The following GCNT1 variants were observed in gnomAD, a reference collection of about 807,000 sequenced individuals.
The protein encoded by GCNT1 is glucosaminyl (N-acetyl) transferase 1, also known as beta-1,3-galactosyl-O-glycosyl-glycoprotein beta-1,6-N-acetylglucosaminyltransferase.
GCNT1 carries 16 observed loss-of-function variants against 26.2 expected under a neutral mutation model. The ratio of observed to expected loss-of-function variants is 0.61; its 90% CI spans 0.41 to 0.93. The LOEUF (loss-of-function observed/expected upper bound fraction) is 0.93, where lower values mean the gene tolerates loss of function less well. GCNT1 is among the 40% of genes least tolerant of loss of function. GCNT1 has a pLI of 0.00. For missense variants in GCNT1, 477 were observed against 526.7 expected (o/e 0.91, Z 0.92); for synonymous variants, 183 against 190.8 (o/e 0.96, Z 0.34).
At chr9:76,444,467 A>C (rs1823542661) in intron 1 of GCNT1, among the ~76,000 whole-genome samples, 1 of 152,186 alleles carries the variant, frequency 6.6e-6, no homozygotes, top group African/African-American at 2.4e-5. Context: ...CAAAACCATG[A>C]GGATTAAGAG....
In GCNT1 at chr9:76,506,787, T is replaced by G. The variant is rs186077091; in HGVS notation, c.*3119T>G. On this transcript the variant is annotated 3_prime_UTR_variant, in exon 4 of 4. Transcript: ENST00000376730. The stretch of plus-strand genomic sequence containing the variant: ...TGTCATTTATTAAGTACAGTTCACT[T>G]AAATAACATAAGTAGATTTTCTCTT... 3.6e-5 allele frequency: 6 copies of G among 167,184 alleles called. No homozygotes were observed. Among genetic ancestry groups the G allele is most frequent in the African/African-American group, 1.4e-4 (6 of 41,576 alleles). The allele number at this position is 167,184 out of a possible 1,614,324, so 10.4% of individuals were successfully genotyped here. A position where few individuals can be genotyped will look rare whatever the true frequency, so the allele number is the denominator to read the frequency against.
intron 2 of GCNT1, among the ~76,000 whole-genome samples, chr9:76,484,014 T>TA (rs1201577178): frequency 1.3e-5 from 2 of 152,138 alleles, no homozygotes; most frequent in Admixed American, 1.3e-4. Context: ...GTTTATACTT[T>TA]AAAAAAATCA....
At chr9:76,467,790 G>GGAA (rs1824035527) in intron 2 of GCNT1, among the ~76,000 whole-genome samples, 2 of 151,768 alleles carry the variant, frequency 1.3e-5, no homozygotes, top group South Asian at 4.2e-4. Flanking sequence ...ATCCAAAGCA[G>GGAA]GAAGCGAAGG....
chr9:76,485,077 G>A (rs766977486), intron 2 of GCNT1, among the ~76,000 whole-genome samples: 15 of 151,872 alleles, frequency 9.9e-5, no homozygotes, highest in Admixed American at 2.6e-4. Context: ...GTGAGCCGCC[G>A]CGCCCGACCA....
chr9:76,393,954 G>C, the GCNT1 span: 2 of 750,674 alleles, frequency 2.7e-6, no homozygotes, highest in Non-Finnish European at 4.2e-6. Context: ...ACAGACAAGG[G>C]GATGCGGGAG....
the GCNT1 span, among the ~76,000 whole-genome samples, chr9:76,413,861 A>T: frequency 1.3e-5 from 2 of 151,160 alleles, no homozygotes; most frequent in Admixed American, 1.3e-4. Flanking sequence ...TACTTGTCTC[A>T]CAGTTCTTGG....
In GCNT1 at chr9:76,505,531, C is replaced by T. The variant is rs991974739; in HGVS notation, c.*1863C>T. 6.0e-6 allele frequency: 1 copy of T among 166,590 alleles called. No individual in the cohort carries two copies. Among genetic ancestry groups the T allele is most frequent in the Non-Finnish European group, 1.5e-5 (1 of 68,126 alleles). The allele number at this position is 166,590 out of a possible 1,614,324, so 10.3% of individuals were successfully genotyped here. Reference sequence around the variant, plus strand: ...AAGTTTTTACCTATAAGACAGGGCACCTTTTAACTCTAAAACTAGTGATAC... The same window carrying T: ...AAGTTTTTACCTATAAGACAGGGCATCTTTTAACTCTAAAACTAGTGATAC... On this transcript the variant is annotated 3_prime_UTR_variant, in exon 4 of 4. Coordinates refer to ENST00000376730, the MANE Select transcript of GCNT1 (RefSeq NM_001490.5).
chr9:76,461,556 C>T (rs921216294), intron 2 of GCNT1, among the ~76,000 whole-genome samples: 3 of 150,210 alleles, frequency 2.0e-5, no homozygotes, highest in Non-Finnish European at 3.0e-5. Context: ...GCACTCCAGC[C>T]TGGGTGACAG....
intron 2 of GCNT1, among the ~76,000 whole-genome samples, chr9:76,478,631 G>A (rs1296266294): frequency 6.6e-6 from 1 of 152,168 alleles, no homozygotes; most frequent in Non-Finnish European, 1.5e-5. Context: ...AATGCCTTCA[G>A]GATTCATTCA....
At chr9:76,398,671 C>T in the GCNT1 span, 259 of 1,069,072 alleles carry the variant, frequency 2.4e-4, no homozygotes, top group South Asian at 6.0e-4. Context: ...TCTGGATTCC[C>T]GTCGTAACTT....
In GCNT1 at chr9:76,503,110, A is replaced by G. The variant is rs1202118165; in HGVS notation, c.729A>G (p.Glu243=). ...TGTTAATGGGAGAAAACAACCTGGA[A>G]ACGGAGAGGATGCCATCCCATAAAG... ...LKLLMGENNL[E]TERMPSHKEE... Residue 243 remains glutamate, a synonymous_variant, in exon 4 of 4, where the codon GAA becomes GAG. Coordinates refer to ENST00000376730, the MANE Select transcript of GCNT1 (RefSeq NM_001490.5). 1.2e-6 allele frequency: 2 copies of G among 1,614,148 alleles called. No homozygotes were observed. The highest frequency in any genetic ancestry group is 3.3e-5 in the Admixed American group (2 of 60,014).
chr9:76,505,806 T>A lies in GCNT1; in HGVS notation c.*2138T>A, dbSNP rs564648724. On this transcript the variant is annotated 3_prime_UTR_variant, in exon 4 of 4. Transcript: ENST00000376730. ...TTTATTATGTGTGACTGCATCTGATTTATATTTAAATTGGCAGGTTTTGAG... is the reference window on the plus strand; with the variant it reads ...TTTATTATGTGTGACTGCATCTGATATATATTTAAATTGGCAGGTTTTGAG... 2 of 166,544 alleles carry A rather than the reference T, an allele frequency of 1.2e-5. No homozygotes were observed. The highest frequency in any genetic ancestry group is 3.9e-4 in the East Asian group (2 of 5,192). 10.3% of individuals were successfully genotyped at this position (166,544 alleles called of 1,614,324 possible).
intron 1 of GCNT1, among the ~76,000 whole-genome samples, chr9:76,426,617 C>G (rs1406183395): frequency 1.3e-5 from 2 of 152,042 alleles, no homozygotes; most frequent in African/African-American, 4.8e-5. Flanking sequence ...TAAGAATAGG[C>G]TGGGAGTGGT....
chr9:76,414,325 G>C, the GCNT1 span, among the ~76,000 whole-genome samples: 1 of 152,154 alleles, frequency 6.6e-6, no homozygotes, highest in African/African-American at 2.4e-5. Context: ...CGATGTGCTG[G>C]TAAGATTTGA....
intron 2 of GCNT1, among the ~76,000 whole-genome samples, chr9:76,498,122 A>G (rs141661871): frequency 2.0e-5 from 3 of 152,316 alleles, no homozygotes; most frequent in Non-Finnish European, 4.4e-5. Flanking sequence ...TAGATTATTT[A>G]TCTACATTGT....
intron 2 of GCNT1, among the ~76,000 whole-genome samples, chr9:76,478,687 C>T (rs1050328005): frequency 6.6e-6 from 1 of 152,208 alleles, no homozygotes; most frequent in Non-Finnish European, 1.5e-5. Context: ...AGACCAAATA[C>T]TGATCCGTTG....
intron 1 of GCNT1, among the ~76,000 whole-genome samples, chr9:76,449,874 C>T (rs1387764239): frequency 6.6e-6 from 1 of 151,098 alleles, no homozygotes; most frequent in Non-Finnish European, 1.5e-5. Flanking sequence ...ACCTCTGCCT[C>T]CTGGGCTCAA....
the GCNT1 span, among the ~76,000 whole-genome samples, chr9:76,403,618 A>G: frequency 6.6e-6 from 1 of 152,228 alleles, no homozygotes; most frequent in African/African-American, 2.4e-5. Context: ...CTGTACTCAG[A>G]AATGTTTGGC....
intron 1 of GCNT1, chr9:76,420,348 C>G (rs1255590382): frequency 2.0e-5 from 3 of 152,258 alleles, no homozygotes; most frequent in Admixed American, 1.3e-4. Context: ...GATCATAGCT[C>G]ACTGCAGCCT....
Sources: gnomAD v4.1 joint callset for allele counts (sites outside exome capture counted in the v4.1 genomes callset) on GRCh38, gnomAD v4.1.1 for gene constraint, MANE v1.5 for transcripts, NCBI Gene and HGNC (gene_info 2026-07-23, HGNC 2026-07-21) for gene names.